The following PLCZ1 variants were observed in gnomAD, a reference collection of about 807,000 sequenced individuals.
PLCZ1 encodes the protein phospholipase C zeta 1, also known as 1-phosphatidylinositol 4,5-bisphosphate phosphodiesterase zeta-1.
A neutral mutation model predicts 76.8 loss-of-function variants in PLCZ1; 64 were observed. The observed-to-expected ratio is 0.83, with a 90% CI of 0.68 to 1.03. The LOEUF (loss-of-function observed/expected upper bound fraction) is 1.03, where lower values mean the gene tolerates loss of function less well. PLCZ1 is among the 50% of genes least tolerant of loss of function. The pLI is 0.00. For missense variants in PLCZ1, 751 were observed against 713.7 expected, an observed-to-expected ratio of 1.05 and a Z score of -0.60; for synonymous variants, 248 against 230.8, an observed-to-expected ratio of 1.07 and a Z score of -0.68.
intron 5 of PLCZ1, chr12:18,713,837 A>G (rs771452123): frequency 1.6e-4 from 24 of 152,198 alleles, no homozygotes; most frequent in Non-Finnish European, 2.8e-4. Flanking sequence ...TAAAAAATAA[A>G]TATTGGTTTC....
the PLCZ1 span, among the ~76,000 whole-genome samples, chr12:18,650,730 A>C: frequency 1.7e-3 from 42 of 25,176 alleles, no homozygotes; most frequent in South Asian, 6.4e-3. Flanking sequence ...ATATATATAT[A>C]TATATATATA....
downstream of PLCZ1, among the ~76,000 whole-genome samples, chr12:18,682,108 A>G (rs1346033998): frequency 6.6e-6 from 1 of 152,060 alleles, no homozygotes. Flanking sequence ...CTTAAATCCA[A>G]CAGCCCTTGA....
In PLCZ1 at chr12:18,700,487, G is replaced by A. The variant is rs539173385; in HGVS notation, c.1018-537C>T. ...AACAGTAATTGGTTCTGGGATGTGC[G>A]CATAACCAGATCAGAGCCAACGTAC... On this transcript the variant is annotated intron_variant, in intron 9 of 14. Transcript: ENST00000266505. Among the ~76,000 whole-genome samples the A allele has an allele frequency of 7.5e-5, 8 of 106,886 alleles. No homozygotes were observed. The South Asian group carries it at 1.3e-3, about 18-fold the overall frequency. 70.1% of individuals were successfully genotyped at this position (106,886 alleles called of 152,430 possible). A position where few individuals can be genotyped will look rare whatever the true frequency, so the allele number is the denominator to read the frequency against.
At chr12:18,669,668 T>G in the PLCZ1 span, among the ~76,000 whole-genome samples, 2 of 151,910 alleles carry the variant, frequency 1.3e-5, no homozygotes, top group Non-Finnish European at 2.9e-5. Context: ...TTCCTCTCTT[T>G]TTTTTTTGAG....
At chr12:18,656,608 C>T in the PLCZ1 span, among the ~76,000 whole-genome samples, 3 of 152,040 alleles carry the variant, frequency 2.0e-5, no homozygotes, top group African/African-American at 7.2e-5. Context: ...TGGTTACATG[C>T]ACCTGGTGTC....
the PLCZ1 span, among the ~76,000 whole-genome samples, chr12:18,664,951 G>T: frequency 7.2e-6 from 1 of 138,202 alleles, no homozygotes. Flanking sequence ...GGTGGGAATT[G>T]AACAATGAGG....
chr12:18,690,350 A>G lies in PLCZ1; in HGVS notation c.1462-2132T>C, dbSNP rs141018921. ...GCGATTCTTCTGCCTCAGCCTCCCA[A>G]GTAGCTGGGATTACAGTTGGATGCC... On this transcript the variant is annotated intron_variant, in intron 12 of 14. Coordinates refer to ENST00000266505, the MANE Select transcript of PLCZ1 (RefSeq NM_033123.4). Among the ~76,000 whole-genome samples the G allele has an allele frequency of 9.2e-3, 1,407 of 152,140 alleles. 23 individuals are homozygous for G. The highest frequency in any genetic ancestry group is 0.031 in the African/African-American group (1,299 of 41,502).
At chr12:18,667,027 A>G in the PLCZ1 span, among the ~76,000 whole-genome samples, 1 of 152,188 alleles carries the variant, frequency 6.6e-6, no homozygotes, top group African/African-American at 2.4e-5. Flanking sequence ...ATAATGGTGT[A>G]GGCTATATCA....
chr12:18,646,615 C>G, the PLCZ1 span, among the ~76,000 whole-genome samples: 1 of 152,102 alleles, frequency 6.6e-6, no homozygotes, highest in Non-Finnish European at 1.5e-5. Flanking sequence ...GCTGCCCTCT[C>G]AAGTTGTCTC....
chr12:18,698,032 A>G (rs1363040243), intron 10 of PLCZ1, among the ~76,000 whole-genome samples: 1 of 151,500 alleles, frequency 6.6e-6, no homozygotes, highest in Non-Finnish European at 1.5e-5. Flanking sequence ...TAATTAATTT[A>G]TGCTGTGCCT....
At chr12:18,728,933 A>G in intron 3 of PLCZ1, among the ~76,000 whole-genome samples, 1 of 152,256 alleles carries the variant, frequency 6.6e-6, no homozygotes, top group South Asian at 2.1e-4. Context: ...GGAACCAAAC[A>G]GAATATAAGT....
chr12:18,715,744 A>G (rs1565721014), intron 5 of PLCZ1: 1 of 152,174 alleles, frequency 6.6e-6, no homozygotes, highest in Non-Finnish European at 1.5e-5. Flanking sequence ...GCAAGTCATC[A>G]TCCCACTTCA....
intron 3 of PLCZ1, among the ~76,000 whole-genome samples, chr12:18,735,207 A>G (rs1038930598): frequency 6.6e-6 from 1 of 152,210 alleles, no homozygotes; most frequent in Non-Finnish European, 1.5e-5. Flanking sequence ...ATTGGCCTAA[A>G]GTTTTGTTTT....
chr12:18,724,701 G>T (rs890261857), intron 3 of PLCZ1, among the ~76,000 whole-genome samples: 1 of 151,904 alleles, frequency 6.6e-6, no homozygotes, highest in Non-Finnish European at 1.5e-5. Flanking sequence ...TTAAATTCTG[G>T]ATTTTGAGGT....
At chr12:18,695,156 C>T in intron 11 of PLCZ1, 77 bp from the exon 12 acceptor site, 3 of 1,375,214 alleles carry the variant, frequency 2.2e-6, no homozygotes, top group Non-Finnish European at 1.0e-6. Flanking sequence ...TTACTGAAAT[C>T]TAATAATGGA....
chr12:18,664,084 C>G, the PLCZ1 span, among the ~76,000 whole-genome samples: 1 of 152,010 alleles, frequency 6.6e-6, no homozygotes, highest in Non-Finnish European at 1.5e-5. Context: ...CTATCAAAAA[C>G]CAAACCAGAC....
At chr12:18,692,452 G>A (rs1055120053) in intron 12 of PLCZ1, among the ~76,000 whole-genome samples, 1 of 152,064 alleles carries the variant, frequency 6.6e-6, no homozygotes, top group Non-Finnish European at 1.5e-5. Flanking sequence ...AAAGAAAAAC[G>A]TTTTGAAAAG....
At chr12:18,649,268 G>T in the PLCZ1 span, among the ~76,000 whole-genome samples, 5 of 152,130 alleles carry the variant, frequency 3.3e-5, no homozygotes, top group East Asian at 9.7e-4. Flanking sequence ...TTCCACAACT[G>T]CATCTATCCA....
intron 4 of PLCZ1, among the ~76,000 whole-genome samples, chr12:18,720,072 T>G (rs991352359): frequency 1.3e-5 from 2 of 152,138 alleles, no homozygotes; most frequent in African/African-American, 4.8e-5. Context: ...ATTAGTTTTC[T>G]TTGGTTGTTG....
Sources: gnomAD v4.1 joint callset for allele counts (sites outside exome capture counted in the v4.1 genomes callset) on GRCh38, gnomAD v4.1.1 for gene constraint, MANE v1.5 for transcripts, NCBI Gene and HGNC (gene_info 2026-07-23, HGNC 2026-07-21) for gene names.